The following GRID1 variants were observed in gnomAD, a reference collection of about 807,000 sequenced individuals.
GRID1 encodes the protein glutamate ionotropic receptor delta type subunit 1.
Under a neutral mutation model 98.0 loss-of-function variants are expected in GRID1, and 28 were observed. The ratio of observed to expected loss-of-function variants is 0.29; its 90% confidence interval spans 0.21 to 0.39. GRID1 has a LOEUF of 0.39. Ranked by LOEUF, GRID1 falls within the 10% of genes least tolerant of loss-of-function variation. GRID1 has a pLI of 1.00. For missense variants in GRID1, 1,111 were observed against 1,340.5 expected, an observed-to-expected ratio of 0.83 and a Z score of 2.67; for synonymous variants, 553 against 538.5, an observed-to-expected ratio of 1.03 and a Z score of -0.37.
chr10:85,824,902 G>C (rs542447392), intron 8 of GRID1, among the ~76,000 whole-genome samples: 2 of 152,302 alleles, frequency 1.3e-5, no homozygotes, highest in Non-Finnish European at 2.9e-5. Flanking sequence ...TGGCTCAGTA[G>C]TATGCCACAC....
At chr10:86,336,232 TAC>T (rs1380481206) in intron 2 of GRID1, among the ~76,000 whole-genome samples, 1 of 152,208 alleles carries the variant, frequency 6.6e-6, no homozygotes, top group Non-Finnish European at 1.5e-5. Context: ...CAATAAAATG[TAC>T]ACAATAACAC....
chr10:86,037,284 A>G (rs1489435608), intron 4 of GRID1, among the ~76,000 whole-genome samples: 1 of 152,194 alleles, frequency 6.6e-6, no homozygotes, highest in Non-Finnish European at 1.5e-5. Context: ...GTGGTATGAA[A>G]TAAGGGAACA....
chr10:86,268,614 T>C (rs940039215), intron 2 of GRID1, among the ~76,000 whole-genome samples: 5 of 152,212 alleles, frequency 3.3e-5, no homozygotes, highest in Admixed American at 2.6e-4. Flanking sequence ...GCTTTCTACA[T>C]AGGCTTAGTG....
chr10:85,745,586 A>C lies in GRID1; in HGVS notation c.1234-15972T>G, dbSNP rs2949389. On this transcript the variant is annotated intron_variant, in intron 8 of 15. Transcript: ENST00000327946. Reference sequence around the variant, plus strand: ...GGGGACGGTGGTGGGGTCGAAGGAGAGGGGAGGGATAGCATTGGGAGATAT... The same window carrying C: ...GGGGACGGTGGTGGGGTCGAAGGAGCGGGGAGGGATAGCATTGGGAGATAT... Among the ~76,000 whole-genome samples, 161 of 113,888 alleles carry C rather than the reference A, an allele frequency of 1.4e-3. 36 individuals are homozygous for C. The highest frequency in any genetic ancestry group is 5.4e-3 in the African/African-American group (152 of 28,238). 74.7% of individuals were successfully genotyped at this position (113,888 alleles called of 152,430 possible).
intron 5 of GRID1, among the ~76,000 whole-genome samples, chr10:85,890,277 C>T (rs1435016016): frequency 1.3e-5 from 2 of 151,898 alleles, no homozygotes; most frequent in African/African-American, 4.8e-5. Context: ...TTCATAATAG[C>T]TAGAAGAGAG....
intron 2 of GRID1, among the ~76,000 whole-genome samples, chr10:86,245,048 T>C (rs2814345): frequency 0.51 from 78,277 of 152,102 alleles, 23,974 homozygotes; most frequent in Non-Finnish European, 0.67. Flanking sequence ...ACTGATTCCA[T>C]GTTTTCATTT....
Position 85,854,565 on chromosome 10 carries a change from C to T in GRID1, c.1164G>A (p.Ser388=), listed in dbSNP as rs542721749. The change falls in exon 8 of 16, where the codon TCG becomes TCA. Residue 388 remains serine (S), a synonymous_variant. Transcript: ENST00000327946. The stretch of plus-strand genomic sequence containing the variant: ...GGATTTCAAACTGGACATAGGGATT[C>T]GAACTGTCCTCCCGAAACTCCATCA... ...TGVMEFREDS[S]NPYVQFEILG... The T allele has an allele frequency of 8.1e-6, 13 of 1,613,680 alleles. No individual in the cohort carries two copies. Among genetic ancestry groups the T allele is most frequent in the Middle Eastern group, 1.7e-4 (1 of 6,060 alleles).
At chr10:85,966,856 A>T (rs978719424) in intron 4 of GRID1, among the ~76,000 whole-genome samples, 1 of 151,936 alleles carries the variant, frequency 6.6e-6, no homozygotes, top group African/African-American at 2.4e-5. Context: ...ACCAAGTATT[A>T]GCTGACTACT....
chr10:86,065,059 G>A (rs534563967), intron 4 of GRID1, among the ~76,000 whole-genome samples: 7 of 152,236 alleles, frequency 4.6e-5, no homozygotes, highest in South Asian at 2.1e-4. Flanking sequence ...CTCTTTGCAC[G>A]GGGTGCATGC....
At chr10:85,809,219 A>C (rs1842647825) in intron 8 of GRID1, among the ~76,000 whole-genome samples, 1 of 152,124 alleles carries the variant, frequency 6.6e-6, no homozygotes. Flanking sequence ...ATGAGGAAAA[A>C]AACAGAGCAT....
At chr10:85,604,879 T>C (rs964948065) in intron 15 of GRID1, among the ~76,000 whole-genome samples, 6 of 152,222 alleles carry the variant, frequency 3.9e-5, no homozygotes, top group Non-Finnish European at 5.9e-5. Flanking sequence ...AGGAAGTCTA[T>C]GGTTTATTGC....
Position 85,613,509 on chromosome 10 carries a change from C to A in GRID1, c.2499G>T (p.Gly833=), listed in dbSNP as rs1394239081. The A allele has an allele frequency of 6.2e-7, 1 of 1,614,044 alleles. No homozygotes were observed. The highest frequency in any genetic ancestry group is 1.7e-5 in the Admixed American group (1 of 60,012). Reference sequence around the variant, plus strand: ...GGCCAATGGCCAGGATGCAGAAGACCCCGGCGAAGCTGTGCAGCTTGAGGG... The same window carrying A: ...GGCCAATGGCCAGGATGCAGAAGACACCGGCGAAGCTGTGCAGCTTGAGGG... The part of the protein sequence containing the change: ...GKSLKLHSFA[G]VFCILAIGLL... Residue 833 remains glycine (G), a synonymous_variant, in exon 15 of 16, where the codon GGG becomes GGT. Transcript: ENST00000327946.
intron 5 of GRID1, among the ~76,000 whole-genome samples, chr10:85,912,999 A>T (rs1841562325): frequency 6.6e-6 from 1 of 152,218 alleles, no homozygotes; most frequent in Non-Finnish European, 1.5e-5. Context: ...CGGAAACAGT[A>T]GTCCTGAGTA....
intron 4 of GRID1, among the ~76,000 whole-genome samples, chr10:86,089,279 G>A (rs1844108685): frequency 6.6e-6 from 1 of 152,180 alleles, no homozygotes. Flanking sequence ...AGGGTCAGTG[G>A]TGGCTTCAGT....
chr10:85,777,525 T>C (rs1842343306), intron 8 of GRID1, among the ~76,000 whole-genome samples: 2 of 152,220 alleles, frequency 1.3e-5, no homozygotes, highest in South Asian at 2.1e-4. Flanking sequence ...GATTCTAACA[T>C]ACAGCAAGGA....
intron 3 of GRID1, among the ~76,000 whole-genome samples, chr10:86,173,534 T>C (rs116168565): frequency 8.5e-4 from 130 of 152,182 alleles, no homozygotes; most frequent in African/African-American, 3.0e-3. Context: ...CTTAAATCAC[T>C]TTTAGTCTAA....
At chr10:85,962,354 C>G (rs1404574467) in intron 4 of GRID1, among the ~76,000 whole-genome samples, 1 of 152,178 alleles carries the variant, frequency 6.6e-6, no homozygotes, top group African/African-American at 2.4e-5. Context: ...TGCTTCTCTA[C>G]TTAAGGAGAC....
intron 4 of GRID1, among the ~76,000 whole-genome samples, chr10:85,949,027 A>C (rs543590202): frequency 6.6e-6 from 1 of 152,184 alleles, no homozygotes; most frequent in Non-Finnish European, 1.5e-5. Flanking sequence ...CCGTCTGGAC[A>C]TGATGCTTAA....
chr10:86,312,540 T>C (rs1847844794), intron 2 of GRID1, among the ~76,000 whole-genome samples: 1 of 152,166 alleles, frequency 6.6e-6, no homozygotes, highest in Non-Finnish European at 1.5e-5. Context: ...AGGCCCATCT[T>C]AGACCCCAAG....
Sources: gnomAD v4.1 joint callset for allele counts (sites outside exome capture counted in the v4.1 genomes callset) on GRCh38, gnomAD v4.1.1 for gene constraint, MANE v1.5 for transcripts, NCBI Gene and HGNC (gene_info 2026-07-23, HGNC 2026-07-21) for gene names.